The following SUGCT variants were observed in gnomAD, a reference collection of about 807,000 sequenced individuals.
SUGCT encodes the protein succinyl-CoA:glutarate CoA-transferase.
SUGCT carries 41 observed loss-of-function variants against 55.0 expected under a neutral mutation model. The observed-to-expected ratio is 0.74, with a 90% CI of 0.58 to 0.97. SUGCT has a LOEUF of 0.97. Ranked by LOEUF, SUGCT falls within the 50% of genes least tolerant of loss-of-function variation. The probability of loss-of-function intolerance (pLI) is 0.00; values close to 1 mark genes in which losing one functional copy is unlikely to be tolerated. For synonymous variants in SUGCT, 187 were observed against 200.4 expected (o/e 0.93, Z 0.56); for missense variants, 568 against 547.8 (o/e 1.04, Z -0.37).
chr7:40,510,328 A>G (rs1020230107), intron 12 of SUGCT, among the ~76,000 whole-genome samples: 6 of 152,110 alleles, frequency 3.9e-5, no homozygotes, highest in African/African-American at 1.4e-4. Context: ...CTTGTTCTTA[A>G]ACTACTTTCC....
chr7:40,245,423 A>ATATATTTT (rs1344678220), intron 7 of SUGCT, among the ~76,000 whole-genome samples: 2 of 54,590 alleles, frequency 3.7e-5, no homozygotes, highest in Non-Finnish European at 6.6e-5. Context: ...ATATATATAT[A>ATATATTTT]TTTTTTTTTT....
Position 40,326,220 on chromosome 7 carries a change from G to A in SUGCT, c.816+9365G>A, listed in dbSNP as rs372811197. Among the ~76,000 whole-genome samples, 22 of 152,190 alleles carry A rather than the reference G, an allele frequency of 1.4e-4. 1 individual carries two copies. In the East Asian group the frequency reaches 2.5e-3, roughly 17 times the overall value. ...GGCCCTTGATTTCAAGGGACTCAAAGGCAATATAGCAGGGAAAGTTGGGAG... is the reference window on the plus strand; with the variant it reads ...GGCCCTTGATTTCAAGGGACTCAAAAGCAATATAGCAGGGAAAGTTGGGAG... On this transcript the variant is annotated intron_variant, in intron 9 of 13. Coordinates refer to ENST00000335693, the MANE Select transcript of SUGCT (RefSeq NM_001193313.2).
chr7:40,957,814 C>A, the SUGCT span, among the ~76,000 whole-genome samples: 1 of 151,904 alleles, frequency 6.6e-6, no homozygotes, highest in African/African-American at 2.4e-5. Flanking sequence ...TTTTTCCTTT[C>A]CATATTTAGT....
At chr7:40,175,782 T>A (rs1323566326) in intron 1 of SUGCT, among the ~76,000 whole-genome samples, 1 of 151,948 alleles carries the variant, frequency 6.6e-6, no homozygotes, top group Admixed American at 6.6e-5. Context: ...AAGAGGACAC[T>A]TGTTTATAGT....
intron 9 of SUGCT, among the ~76,000 whole-genome samples, chr7:40,324,941 A>G (rs1223922028): frequency 6.6e-6 from 1 of 152,232 alleles, no homozygotes; most frequent in Non-Finnish European, 1.5e-5. Context: ...GAGGTTGAAG[A>G]AAACAATTAT....
chr7:40,391,933 A>G (rs1424733815), intron 9 of SUGCT, among the ~76,000 whole-genome samples: 1 of 152,192 alleles, frequency 6.6e-6, no homozygotes, highest in African/African-American at 2.4e-5. Context: ...ACACACACAC[A>G]CCATGGAATA....
rs984659556 is a variant in SUGCT at position 40,791,712 on chromosome 7, A to G, written c.1153+42215A>G. On this transcript the variant is annotated intron_variant, in intron 13 of 13. Transcript: ENST00000335693. Reference sequence around the variant, plus strand: ...ACAGGAAGGAGTAAAAAATGGAAATATTATTTCTGGATTTACATTTTGTCT... The same window carrying G: ...ACAGGAAGGAGTAAAAAATGGAAATGTTATTTCTGGATTTACATTTTGTCT... Among the ~76,000 whole-genome samples the G allele has an allele frequency of 1.1e-4, 16 of 152,172 alleles. 1 individual carries two copies. The highest frequency in any genetic ancestry group is 1.9e-4 in the Non-Finnish European group (13 of 68,024).
Position 40,753,835 on chromosome 7 carries a change from C to T in SUGCT, c.1153+4338C>T, listed in dbSNP as rs969528580. Among the ~76,000 whole-genome samples, 9 of 152,266 alleles carry T rather than the reference C, an allele frequency of 5.9e-5. No homozygotes were observed. The Middle Eastern group carries it at 0.017, about 288-fold the overall frequency. Reference sequence around the variant, plus strand: ...GAAATTATTTACCTCTTAAAAATCCCTTTTGGCTACTTAAAGAAAATAATT... The same window carrying T: ...GAAATTATTTACCTCTTAAAAATCCTTTTTGGCTACTTAAAGAAAATAATT... On this transcript the variant is annotated intron_variant, in intron 13 of 13. Transcript: ENST00000335693.
chr7:40,577,363 A>G (rs1796826032), intron 12 of SUGCT, among the ~76,000 whole-genome samples: 1 of 151,924 alleles, frequency 6.6e-6, no homozygotes, highest in Non-Finnish European at 1.5e-5. Context: ...GGTATCTTGT[A>G]ATTGGTCTCC....
At chr7:40,511,330 T>A (rs1792919337) in intron 12 of SUGCT, among the ~76,000 whole-genome samples, 1 of 152,130 alleles carries the variant, frequency 6.6e-6, no homozygotes, top group African/African-American at 2.4e-5. Flanking sequence ...TGACCAGTAT[T>A]CTTCAGAAGC....
the SUGCT span, among the ~76,000 whole-genome samples, chr7:40,891,880 C>T: frequency 4.6e-5 from 7 of 151,948 alleles, no homozygotes; most frequent in Non-Finnish European, 2.9e-5. Context: ...TGGTGGTGCA[C>T]ACCTGTAATC....
At chr7:40,326,550 G>A (rs1796036339) in intron 9 of SUGCT, among the ~76,000 whole-genome samples, 1 of 152,024 alleles carries the variant, frequency 6.6e-6, no homozygotes, top group Admixed American at 6.6e-5. Context: ...AAGAAAAGAG[G>A]GCAACACGCT....
chr7:40,788,198 C>A (rs573421513), intron 13 of SUGCT, among the ~76,000 whole-genome samples: 1 of 152,182 alleles, frequency 6.6e-6, no homozygotes, highest in Non-Finnish European at 1.5e-5. Context: ...GGGGCCTGGG[C>A]TTCCACCTGC....
At chr7:40,405,876 A>G (rs1786341769) in intron 9 of SUGCT, among the ~76,000 whole-genome samples, 1 of 152,076 alleles carries the variant, frequency 6.6e-6, no homozygotes, top group South Asian at 2.1e-4. Flanking sequence ...GAAATCCTAT[A>G]ATGCAGATTT....
rs1463845456 is a variant in SUGCT at position 40,377,200 on chromosome 7, TTTC to T, written c.816+60348_816+60350del. Among the ~76,000 whole-genome samples the T allele has an allele frequency of 0.011, 66 of 5,922 alleles. No homozygotes were observed. In the Non-Finnish European group the frequency reaches 0.14, roughly 12 times the overall value. 3.9% of individuals were successfully genotyped at this position (5,922 alleles called of 152,430 possible). The stretch of plus-strand genomic sequence containing the variant: ...TTTCTTTCTTTCTTTCTTTCTTTCT[TTTC>T]TTTTCTTTTCTTTCTTTTCTTTCTT... On this transcript the variant is annotated intron_variant, in intron 9 of 13. Coordinates refer to ENST00000335693, the MANE Select transcript of SUGCT (RefSeq NM_001193313.2).
At chr7:40,357,712 T>A (rs1007921605) in intron 9 of SUGCT, among the ~76,000 whole-genome samples, 1 of 152,230 alleles carries the variant, frequency 6.6e-6, no homozygotes, top group African/African-American at 2.4e-5. Flanking sequence ...TTTTGATTTT[T>A]AAAAATTTAT....
chr7:40,369,387 G>C (rs1015306690), intron 9 of SUGCT, among the ~76,000 whole-genome samples: 3 of 152,116 alleles, frequency 2.0e-5, no homozygotes, highest in African/African-American at 7.2e-5. Flanking sequence ...CTGACTCCTA[G>C]TTATGTCTAC....
chr7:40,497,295 T>C (rs1792036103), intron 12 of SUGCT, among the ~76,000 whole-genome samples: 2 of 152,198 alleles, frequency 1.3e-5, no homozygotes, highest in African/African-American at 4.8e-5. Flanking sequence ...GGAGGAGACC[T>C]TTGTTGGAAA....
chr7:40,381,514 CA>C (rs201144918), intron 9 of SUGCT, among the ~76,000 whole-genome samples: 5 of 151,466 alleles, frequency 3.3e-5, no homozygotes, highest in Admixed American at 6.6e-5. Flanking sequence ...GTAACAACAA[CA>C]AAAAAAACCC....
Sources: allele counts gnomAD v4.1 joint callset (sites outside exome capture counted in the v4.1 genomes callset), GRCh38; gene constraint gnomAD v4.1.1; transcripts MANE v1.5; gene names NCBI Gene and HGNC (gene_info 2026-07-23, HGNC 2026-07-21).